PMFBP1: variants seen among roughly 807,000 people sequenced by gnomAD.
The protein encoded by PMFBP1 is polyamine modulated factor 1 binding protein 1, also known as polyamine-modulated factor 1-binding protein 1.
Under a neutral mutation model 137.8 loss-of-function variants are expected in PMFBP1, and 131 were observed. The observed-to-expected ratio is 0.95, with a 90% CI of 0.82 to 1.10. PMFBP1 has a LOEUF of 1.10. Among genes scored for constraint, PMFBP1 ranks in the 50% least tolerant of loss-of-function variants. PMFBP1 has a pLI of 0.00. For missense variants in PMFBP1, 1,199 were observed against 1,175.4 expected (o/e 1.02, Z -0.29); for synonymous variants, 490 against 450.4 (o/e 1.09, Z -1.11).
the PMFBP1 span, among the ~76,000 whole-genome samples, chr16:72,227,066 G>A: frequency 6.6e-6 from 1 of 151,614 alleles, no homozygotes; most frequent in Non-Finnish European, 1.5e-5. Context: ...TTTCTTTTAT[G>A]CCCCTCTGCC....
At chr16:72,249,921 A>C in the PMFBP1 span, among the ~76,000 whole-genome samples, 57 of 63,732 alleles carry the variant, frequency 8.9e-4, no homozygotes, top group Admixed American at 2.4e-3. Flanking sequence ...ACTCCATCGC[A>C]AAAAAAAAAA....
intron 4 of PMFBP1, 63 bp downstream of exon 4, chr16:72,154,148 C>A (rs1329812071): frequency 2.5e-6 from 4 of 1,580,668 alleles, no homozygotes; most frequent in African/African-American, 1.4e-5. Context: ...TTCTAGTGGG[C>A]TTGGTCTGAT....
Position 72,123,616 on chromosome 16 carries a change from C to T in PMFBP1, c.2623G>A (p.Asp875Asn), listed in dbSNP as rs763555242. The T allele has an allele frequency of 6.2e-7, 1 of 1,614,106 alleles. No individual in the cohort carries two copies. Among genetic ancestry groups the T allele is most frequent in the East Asian group, 2.2e-5 (1 of 44,878 alleles). The change falls in exon 18 of 21, where the codon GAC becomes AAC. Residue 875 changes from aspartate (D) to asparagine (N), a missense_variant. By Grantham distance (23) the Asp-to-Asn change is conservative (BLOSUM62 1). Transcript: ENST00000237353. ...CCLPQWSVPK[D>N]TCRLYRGNDQ... ...TTCCCTCGGTAGAGCCTACAGGTGT[C>T]TTTGGGCACAGACCACTGGGGCAGG...
chr16:72,135,753 T>G (rs930106436), intron 9 of PMFBP1, among the ~76,000 whole-genome samples: 1 of 140,250 alleles, frequency 7.1e-6, no homozygotes, highest in Non-Finnish European at 1.5e-5. Context: ...TTTTTTTTTT[T>G]TTTTTTTTTT....
At chr16:72,248,244 C>T in the PMFBP1 span, among the ~76,000 whole-genome samples, 2 of 152,198 alleles carry the variant, frequency 1.3e-5, no homozygotes, top group African/African-American at 4.8e-5. Flanking sequence ...TTGGCGCTGA[C>T]AGGATTTCTA....
chr16:72,166,450 T>C (rs1420613445), intron 2 of PMFBP1, among the ~76,000 whole-genome samples: 4 of 152,192 alleles, frequency 2.6e-5, no homozygotes, highest in Non-Finnish European at 5.9e-5. Flanking sequence ...GATAAATTAC[T>C]CAGTCTCCAG....
At chr16:72,222,481 G>A in the PMFBP1 span, among the ~76,000 whole-genome samples, 1 of 152,182 alleles carries the variant, frequency 6.6e-6, no homozygotes. Flanking sequence ...GGATAGAGCA[G>A]TGGGCTTGTT....
the PMFBP1 span, among the ~76,000 whole-genome samples, chr16:72,227,081 T>C: frequency 6.6e-6 from 1 of 152,134 alleles, no homozygotes; most frequent in Non-Finnish European, 1.5e-5. Flanking sequence ...TCTGCCTGAT[T>C]TCATTTGTAG....
chr16:72,129,042 C>T (rs2042506505), intron 13 of PMFBP1, 24 bp downstream of exon 13: 2 of 1,609,758 alleles, frequency 1.2e-6, no homozygotes, highest in Non-Finnish European at 8.5e-7. Context: ...CCTGACCCAG[C>T]TCTCCTGGGA....
intron 14 of PMFBP1, among the ~76,000 whole-genome samples, chr16:72,126,836 G>T (rs550355655): frequency 6.6e-6 from 1 of 152,266 alleles, no homozygotes; most frequent in East Asian, 1.9e-4. Flanking sequence ...TCTGGGTTGA[G>T]GTCCAGGTTC....
chr16:72,168,428 T>C (rs2043176597), intron 2 of PMFBP1, among the ~76,000 whole-genome samples: 1 of 152,260 alleles, frequency 6.6e-6, no homozygotes, highest in South Asian at 2.1e-4. Context: ...AGATATTAGC[T>C]GTAAACTATT....
chr16:72,226,988 C>T, the PMFBP1 span, among the ~76,000 whole-genome samples: 3 of 151,980 alleles, frequency 2.0e-5, no homozygotes, highest in African/African-American at 7.2e-5. Flanking sequence ...ATAGCTGAGA[C>T]CTAATAAAAA....
At chr16:72,235,044 T>C in the PMFBP1 span, among the ~76,000 whole-genome samples, 1 of 152,186 alleles carries the variant, frequency 6.6e-6, no homozygotes, top group Non-Finnish European at 1.5e-5. Context: ...GTTTTTAATT[T>C]TGATGTCCAA....
At chr16:72,155,843 C>T (rs1311839753) in intron 3 of PMFBP1, among the ~76,000 whole-genome samples, 3 of 152,154 alleles carry the variant, frequency 2.0e-5, no homozygotes, top group Admixed American at 2.0e-4. Flanking sequence ...TCCTCATGCC[C>T]ATTTTCAGTC....
chr16:72,198,972 G>T, the PMFBP1 span, among the ~76,000 whole-genome samples: 2 of 152,166 alleles, frequency 1.3e-5, no homozygotes, highest in African/African-American at 4.8e-5. Flanking sequence ...GATCTCCCCT[G>T]CCCCTTTTAA....
At chr16:72,249,512 T>C in the PMFBP1 span, among the ~76,000 whole-genome samples, 2 of 152,182 alleles carry the variant, frequency 1.3e-5, no homozygotes, top group African/African-American at 4.8e-5. Context: ...TTGATATGTT[T>C]ATTCTTTCAT....
intron 5 of PMFBP1, among the ~76,000 whole-genome samples, chr16:72,141,338 CTT>C (rs1458903295): frequency 6.6e-6 from 1 of 152,166 alleles, no homozygotes; most frequent in East Asian, 1.9e-4. Flanking sequence ...TCTTACTCCT[CTT>C]TTAAAATTAA....
At chr16:72,132,471 C>T (rs2042563435) in intron 10 of PMFBP1, among the ~76,000 whole-genome samples, 1 of 152,214 alleles carries the variant, frequency 6.6e-6, no homozygotes, top group South Asian at 2.1e-4. Context: ...AGCCCTGCCT[C>T]CCTGTGGCCA....
the PMFBP1 span, among the ~76,000 whole-genome samples, chr16:72,214,860 G>A: frequency 1.3e-5 from 2 of 151,960 alleles, no homozygotes; most frequent in Middle Eastern, 3.2e-3. Flanking sequence ...GTATCTAAAA[G>A]GTTCAAAAAG....
Sources: allele counts gnomAD v4.1 joint callset (sites outside exome capture counted in the v4.1 genomes callset), GRCh38; gene constraint gnomAD v4.1.1; transcripts MANE v1.5; gene names NCBI Gene and HGNC (gene_info 2026-07-23, HGNC 2026-07-21).